Variants in PUF60 observed in about 807,000 individuals in gnomAD.
PUF60 encodes poly(U) binding splicing factor 60.
A neutral mutation model predicts 61.8 loss-of-function variants in PUF60; 10 were observed. The ratio of observed to expected loss-of-function variants is 0.16; its 90% CI spans 0.10 to 0.27. The LOEUF is 0.27. PUF60 is among the 10% of genes least tolerant of loss of function. The probability of loss-of-function intolerance (pLI) is 1.00; values close to 1 mark genes in which losing one functional copy is unlikely to be tolerated. For synonymous variants in PUF60, 353 were observed against 300.9 expected (o/e 1.17, Z -1.79); for missense variants, 371 against 754.0 (o/e 0.49, Z 5.95).
At chr8:143,825,738 A>G (rs946150904) in intron 1 of PUF60, among the ~76,000 whole-genome samples, 6 of 152,214 alleles carry the variant, frequency 3.9e-5, no homozygotes, top group Non-Finnish European at 7.3e-5. Context: ...AAGTGCTGGT[A>G]CTACAGGCGT....
chr8:143,828,512 A>C (rs1224394493), intron 1 of PUF60, among the ~76,000 whole-genome samples: 1 of 152,190 alleles, frequency 6.6e-6, no homozygotes, highest in African/African-American at 2.4e-5. Flanking sequence ...TGCCCGGGGA[A>C]GTGGGCACTG....
At chr8:143,827,153 T>G in intron 1 of PUF60, 2 of 324,104 alleles carry the variant, frequency 6.2e-6, no homozygotes, top group Non-Finnish European at 6.0e-6. Flanking sequence ...AGATGACTTC[T>G]GTGGTTTACC....
chr8:143,820,131 C>G (rs1040813214), intron 5 of PUF60: 1 of 157,652 alleles, frequency 6.3e-6, no homozygotes, highest in Non-Finnish European at 1.4e-5. Flanking sequence ...CTCCTCCGCC[C>G]TGGCTGCGTG....
chr8:143,820,755 C>T (rs749274330), intron 4 of PUF60, 39 bp from the exon 5 acceptor site: 43 of 1,586,402 alleles, frequency 2.7e-5, no homozygotes, highest in Admixed American at 1.3e-4. Context: ...CTGTTGGAGC[C>T]GAGCAGTCTC....
Position 143,821,881 on chromosome 8 carries a change from C to G in PUF60, c.144G>C (p.Gln48His), listed in dbSNP as rs1817060531. 6.2e-7 allele frequency: 1 copy of G among 1,608,392 alleles called. No homozygotes were observed. The highest frequency in any genetic ancestry group is 1.1e-5 in the South Asian group (1 of 90,404). The change falls in exon 3 of 12, where the codon CAG becomes CAC. Residue 48 changes from glutamine (Q) to histidine (H), a missense_variant. Physicochemically the swap from Gln to His is conservative, Grantham distance 24. This residue lies in a region of PUF60 where 16 missense variants were observed against 26.9 expected (regional missense o/e 0.60). Coordinates refer to ENST00000526683, the MANE Select transcript of PUF60 (RefSeq NM_078480.3). ...GTDSIKMENG[Q>H]STAAKLGLPP... ...GCAGCCCCAGCTTGGCGGCTGTGCTCTGCCCGTTCTCCATCTTGATGGAGT... is the reference window on the plus strand; with the variant it reads ...GCAGCCCCAGCTTGGCGGCTGTGCTGTGCCCGTTCTCCATCTTGATGGAGT...
chr8:143,827,581 AACCAGGACGGTGGGAACAG>A, intron 1 of PUF60: 1 of 391,630 alleles, frequency 2.6e-6, no homozygotes, highest in Non-Finnish European at 5.2e-6. Context: ...CACTGTGCCC[AACCAGGACGGTGGGAACAG>A]ATAACCCTTC....
intron 1 of PUF60, among the ~76,000 whole-genome samples, chr8:143,825,406 G>T (rs191630777): frequency 6.6e-6 from 1 of 152,298 alleles, no homozygotes; most frequent in Admixed American, 6.5e-5. Context: ...CAATGCTGTC[G>T]GCATGGGTGT....
chr8:143,828,219 G>A (rs570434162), intron 1 of PUF60, among the ~76,000 whole-genome samples: 2 of 152,306 alleles, frequency 1.3e-5, no homozygotes, highest in East Asian at 3.9e-4. Context: ...GGACCAGCCC[G>A]CCCGCTGGGG....
chr8:143,827,074 G>A (rs907449993), intron 1 of PUF60: 5 of 315,236 alleles, frequency 1.6e-5, no homozygotes, highest in East Asian at 1.1e-4. Context: ...CCGCAGACAC[G>A]AGACAAGAGA....
chr8:143,827,705 GATAAAAAAACACGT>G (rs1554648258), intron 1 of PUF60, among the ~76,000 whole-genome samples: 1 of 152,162 alleles, frequency 6.6e-6, no homozygotes, highest in Non-Finnish European at 1.5e-5. Context: ...GAAACCTGAC[GATAAAAAAACACGT>G]ATTAAACCCA....
At chr8:143,825,410 T>C (rs938820325) in intron 1 of PUF60, among the ~76,000 whole-genome samples, 1 of 152,130 alleles carries the variant, frequency 6.6e-6, no homozygotes, top group Non-Finnish European at 1.5e-5. Context: ...GCTGTCGGCA[T>C]GGGTGTGCTC....
At chr8:143,816,878 CT>C in intron 11 of PUF60, 31 bp downstream of exon 11, 1 of 1,562,464 alleles carries the variant, frequency 6.4e-7, no homozygotes, top group Non-Finnish European at 8.7e-7. Flanking sequence ...CCCCTACCCT[CT>C]CCCCCGCCAC....
rs1816664898 is a variant in PUF60 at position 143,818,683 on chromosome 8, CAT to C, written c.349-151_349-150del. On this transcript the variant is annotated intron_variant, in intron 5 of 11. Coordinates refer to ENST00000526683, the MANE Select transcript of PUF60 (RefSeq NM_078480.3). This position sits in a 1 kb window ranked among gnomAD's most constrained non-coding sequence, Gnocchi z 7.9. Reference sequence around the variant, plus strand: ...GAGGTGCGGGCTCCATCCCTGCAGTCATAGTGTGGGGGTCGCAGGACCCCGCC... The same window carrying C: ...GAGGTGCGGGCTCCATCCCTGCAGTCAGTGTGGGGGTCGCAGGACCCCGCC... 7.0e-6 allele frequency: 6 copies of C among 862,870 alleles called. No individual in the cohort carries two copies. The highest frequency in any genetic ancestry group is 2.7e-5 in the East Asian group (1 of 37,072). The allele number at this position is 862,870 out of a possible 1,614,324, so 53.5% of individuals were successfully genotyped here. A position where few individuals can be genotyped will look rare whatever the true frequency, so the allele number is the denominator to read the frequency against.
chr8:143,825,329 G>A (rs1817519441), intron 1 of PUF60, among the ~76,000 whole-genome samples: 1 of 152,188 alleles, frequency 6.6e-6, no homozygotes, highest in East Asian at 1.9e-4. Context: ...GCCTCCAGAG[G>A]AGGAGCAGCA....
At chr8:143,824,256 G>GGGCGGGCGGGCGGGCA in intron 2 of PUF60, 57 bp downstream of exon 2, 16 of 1,398,246 alleles carry the variant, frequency 1.1e-5, no homozygotes, top group Non-Finnish European at 1.3e-5. Flanking sequence ...ACAGGCAGGC[G>GGGCGGGCGGGCGGGCA]GGCGGGCGGG....
In PUF60 at chr8:143,821,674, C is replaced by T; in HGVS notation, c.220G>A (p.Ala74Thr). ...ACACTCTTGATGCTCTGCTCCATGGCGTACTTCTTGGCCTGAGAGAGGCGG... is the reference window on the plus strand; with the variant it reads ...ACACTCTTGATGCTCTGCTCCATGGTGTACTTCTTGGCCTGAGAGAGGCGG... ...QEALQKAKKYAMEQSIKSVLV... is the reference protein window; with the variant it reads ...QEALQKAKKYTMEQSIKSVLV... Residue 74 changes from alanine (A) to threonine (T), a missense_variant, in exon 4 of 12, where the codon GCC (alanine) becomes ACC (threonine). Transcript: ENST00000526683. The T allele has an allele frequency of 6.5e-7, 1 of 1,548,842 alleles. No homozygotes were observed. The highest frequency in any genetic ancestry group is 8.7e-7 in the Non-Finnish European group (1 of 1,147,426).
rs1235600265 is a variant in PUF60, at chr8:143,821,718, G to T, written c.208-32C>A. On this transcript the variant is annotated intron_variant, in intron 3 of 11. Transcript: ENST00000526683. ...GAGGCGGCAGTGAGGAGCACTGGGG[G>T]CCCAGCCCATGGGAGACAGGCCTGC... 2.6e-6 allele frequency: 4 copies of T among 1,546,274 alleles called. No individual in the cohort carries two copies. In the South Asian group the frequency reaches 4.8e-5, roughly 18 times the overall value.
chr8:143,828,479 C>A (rs1173045287), intron 1 of PUF60, among the ~76,000 whole-genome samples: 1 of 152,260 alleles, frequency 6.6e-6, no homozygotes, highest in Non-Finnish European at 1.5e-5. Flanking sequence ...GGTGTTCTCC[C>A]TCTACGTTAA....
At chr8:143,824,879 G>A (rs748252469) in intron 1 of PUF60, 8 of 179,438 alleles carry the variant, frequency 4.5e-5, no homozygotes, top group Non-Finnish European at 9.4e-5. Context: ...CTCTCCTGAA[G>A]ACACTTTTAA....
Sources: gnomAD v4.1 joint callset for allele counts (sites outside exome capture counted in the v4.1 genomes callset) on GRCh38, gnomAD v4.1.1 for gene constraint, gnomAD v4.1.1 regional missense constraint, Gnocchi (gnomAD v3.1) non-coding constraint, MANE v1.5 for transcripts, NCBI Gene and HGNC (gene_info 2026-07-23, HGNC 2026-07-21) for gene names.